PDIA5: variants seen among roughly 807,000 people sequenced by gnomAD.
The protein encoded by PDIA5 is protein disulfide isomerase family A member 5, also known as protein disulfide-isomerase A5.
PDIA5 carries 58 observed loss-of-function variants against 77.6 expected under a neutral mutation model. The ratio of observed to expected loss-of-function variants is 0.75; its 90% CI spans 0.61 to 0.93. The LOEUF (loss-of-function observed/expected upper bound fraction) is 0.93, where lower values mean the gene tolerates loss of function less well. PDIA5 is among the 40% of genes least tolerant of loss of function. PDIA5 has a pLI of 0.00. For synonymous variants in PDIA5, 250 were observed against 252.1 expected, an observed-to-expected ratio of 0.99 and a Z score of 0.08; for missense variants, 630 against 647.7, an observed-to-expected ratio of 0.97 and a Z score of 0.30.
chr3:123,111,390 G>A (rs73856816), intron 7 of PDIA5, among the ~76,000 whole-genome samples: 13 of 152,350 alleles, frequency 8.5e-5, no homozygotes, highest in Admixed American at 2.0e-4. Context: ...AGCCTGGCCC[G>A]CCTCTGGGGG....
chr3:123,138,776 G>A (rs188905778), intron 11 of PDIA5, among the ~76,000 whole-genome samples: 18 of 152,180 alleles, frequency 1.2e-4, no homozygotes, highest in Admixed American at 1.1e-3. Context: ...ATTTCTGCTG[G>A]CATTTGTAGG....
At chr3:123,074,437 G>T (rs1032151308) in intron 1 of PDIA5, among the ~76,000 whole-genome samples, 1 of 152,178 alleles carries the variant, frequency 6.6e-6, no homozygotes, top group East Asian at 1.9e-4. Context: ...GTTTTTAAAT[G>T]TATAAAGTAA....
intron 1 of PDIA5, among the ~76,000 whole-genome samples, chr3:123,088,870 A>T (rs1164102985): frequency 6.6e-6 from 1 of 152,084 alleles, no homozygotes; most frequent in Non-Finnish European, 1.5e-5. Flanking sequence ...ATGTTTTTCA[A>T]ATGTTTTCCA....
intron 11 of PDIA5, among the ~76,000 whole-genome samples, chr3:123,136,289 G>A (rs1191736811): frequency 2.6e-5 from 4 of 152,158 alleles, no homozygotes; most frequent in Non-Finnish European, 4.4e-5. Context: ...CAGCATTCTT[G>A]TTATCAGCAG....
chr3:123,132,975 C>G (rs1935405481), intron 11 of PDIA5, among the ~76,000 whole-genome samples: 2 of 152,214 alleles, frequency 1.3e-5, no homozygotes, highest in South Asian at 4.1e-4. Context: ...GGTTAGCTTC[C>G]TGATATACTG....
chr3:123,081,390 A>G (rs1576433713), intron 1 of PDIA5, among the ~76,000 whole-genome samples: 1 of 152,370 alleles, frequency 6.6e-6, no homozygotes, highest in East Asian at 1.9e-4. Context: ...CCAAACCACC[A>G]GCTCTAAATT....
chr3:123,160,991 C>T (rs1043796941), intron 15 of PDIA5, among the ~76,000 whole-genome samples: 1 of 152,098 alleles, frequency 6.6e-6, no homozygotes, highest in African/African-American at 2.4e-5. Flanking sequence ...TCCTACAGTC[C>T]CTTACAGATA....
intron 1 of PDIA5, among the ~76,000 whole-genome samples, chr3:123,068,522 G>A (rs1933639810): frequency 6.6e-6 from 1 of 152,204 alleles, no homozygotes; most frequent in Non-Finnish European, 1.5e-5. Context: ...CAGTTGGTCT[G>A]GGCGGGTCTC....
chr3:123,116,355 A>G, intron 8 of PDIA5, 57 bp downstream of exon 8: 18 of 1,059,012 alleles, frequency 1.7e-5, no homozygotes, highest in Non-Finnish European at 2.6e-5. Context: ...TGGCGGAGGA[A>G]GGGTGCCAGG....
chr3:123,116,981 G>T (rs935368966), intron 8 of PDIA5, among the ~76,000 whole-genome samples: 5 of 151,858 alleles, frequency 3.3e-5, no homozygotes, highest in Non-Finnish European at 5.9e-5. Flanking sequence ...CAGCTGGGAT[G>T]GGGCGGGGAG....
chr3:123,133,048 C>A (rs191324618), intron 11 of PDIA5, among the ~76,000 whole-genome samples: 96 of 152,294 alleles, frequency 6.3e-4, no homozygotes, highest in Non-Finnish European at 9.1e-4. Flanking sequence ...CACACTTCTT[C>A]ATTAAGAGCA....
intron 1 of PDIA5, among the ~76,000 whole-genome samples, chr3:123,070,089 C>CA (rs771690653): frequency 0.15 from 10,557 of 72,084 alleles, 898 homozygotes; most frequent in African/African-American, 0.34. Flanking sequence ...GACTCCATCT[C>CA]AAAAAAAAAA....
At chr3:123,079,602 A>T (rs1449066165) in intron 1 of PDIA5, among the ~76,000 whole-genome samples, 1 of 152,194 alleles carries the variant, frequency 6.6e-6, no homozygotes, top group East Asian at 1.9e-4. Context: ...GGTTGTTTAT[A>T]GGTTTTAACT....
Position 123,106,853 on chromosome 3 carries a change from C to T in PDIA5, c.480+12C>T, listed in dbSNP as rs898891789. ...TTGACAGTGAAAAGGTAATGTATTC[C>T]CCGTCAGTTCTGATGGATGCTGGAA... On this transcript the variant is annotated intron_variant, in intron 6 of 16. Coordinates refer to ENST00000316218, the MANE Select transcript of PDIA5 (RefSeq NM_006810.4). The T allele has an allele frequency of 7.6e-6, 12 of 1,571,570 alleles. No homozygotes were observed. The highest frequency in any genetic ancestry group is 1.0e-5 in the Non-Finnish European group (12 of 1,144,000).
chr3:123,077,549 TACACACACACACACACACAC>T (rs368009624), intron 1 of PDIA5, among the ~76,000 whole-genome samples: 2 of 136,414 alleles, frequency 1.5e-5, no homozygotes, highest in African/African-American at 5.4e-5. Flanking sequence ...CTCACACACA[TACACACACACACACACACAC>T]ACACACACAC....
intron 1 of PDIA5, among the ~76,000 whole-genome samples, chr3:123,077,673 A>G (rs186498306): frequency 9.5e-4 from 144 of 152,268 alleles, no homozygotes; most frequent in African/African-American, 3.3e-3. Context: ...AAACATCGGT[A>G]GTGAGATCCC....
Position 123,102,472 on chromosome 3 carries a change from A to C in PDIA5, c.319A>C (p.Lys107Gln), listed in dbSNP as rs767895790. Residue 107 changes from lysine to glutamine, a missense_variant, in exon 4 of 17, where the codon AAG becomes CAG. Physicochemically the swap from Lys to Gln is moderately conservative, Grantham distance 53 (BLOSUM62 1). Coordinates refer to ENST00000316218, the MANE Select transcript of PDIA5 (RefSeq NM_006810.4). ...MKVDLSPKDKKVELFHYQDGA... is the reference protein window; with the variant it reads ...MKVDLSPKDKQVELFHYQDGA... ...AGTTGACCTGAGCCCGAAGGACAAA[A>C]AGGTTGAATTATTCCATTACCAGTA... is the stretch of plus-strand genomic sequence containing the variant. 11 of 1,613,816 alleles carry C rather than the reference A, an allele frequency of 6.8e-6. No homozygotes were observed. The highest frequency in any genetic ancestry group is 9.3e-6 in the Non-Finnish European group (11 of 1,179,646).
chr3:123,119,078 C>G (rs1295591130), intron 8 of PDIA5, among the ~76,000 whole-genome samples: 1 of 151,972 alleles, frequency 6.6e-6, no homozygotes. Flanking sequence ...TAGTGAAACC[C>G]CATGTCTACA....
At position 123,110,966 on chromosome 3, in the gene PDIA5, A is replaced by G; in HGVS notation, c.503A>G (p.Lys168Arg). 1 of 1,613,862 alleles carries G rather than the reference A, an allele frequency of 6.2e-7. No individual in the cohort carries two copies. Among genetic ancestry groups the G allele is most frequent in the Non-Finnish European group, 8.5e-7 (1 of 1,179,872 alleles). ...SEKDFRRLLKKEEKPLLIMFY... is the reference protein window; with the variant it reads ...SEKDFRRLLKREEKPLLIMFY... The stretch of plus-strand genomic sequence containing the variant: ...CAGGACTTCAGACGGCTCCTGAAGA[A>G]GGAAGAGAAGCCGCTCCTGATCATG... Residue 168 changes from lysine (K) to arginine (R), a missense_variant, in exon 7 of 17, where the codon AAG (lysine) becomes AGG (arginine). Coordinates refer to ENST00000316218, the MANE Select transcript of PDIA5 (RefSeq NM_006810.4).
Sources: gnomAD v4.1 joint callset for allele counts (sites outside exome capture counted in the v4.1 genomes callset) on GRCh38, gnomAD v4.1.1 for gene constraint, MANE v1.5 for transcripts, NCBI Gene and HGNC (gene_info 2026-07-23, HGNC 2026-07-21) for gene names.